Variants in ADAMTS17 observed in about 807,000 individuals in gnomAD.
The protein encoded by ADAMTS17 is ADAM metallopeptidase with thrombospondin type 1 motif 17.
Under a neutral mutation model 141.5 loss-of-function variants are expected in ADAMTS17, and 113 were observed. The observed-to-expected ratio is 0.80, with a 90% CI of 0.69 to 0.93. ADAMTS17 has a LOEUF of 0.93. ADAMTS17 is among the 40% of genes least tolerant of loss of function. ADAMTS17 has a pLI of 0.00. For synonymous variants in ADAMTS17, 768 were observed against 630.6 expected, an observed-to-expected ratio of 1.22 and a Z score of -3.27; for missense variants, 1,659 against 1,517.9, an observed-to-expected ratio of 1.09 and a Z score of -1.54.
At chr15:100,059,546 C>A (rs2032950120) in intron 15 of ADAMTS17, among the ~76,000 whole-genome samples, 1 of 152,206 alleles carries the variant, frequency 6.6e-6, no homozygotes, top group African/African-American at 2.4e-5. Context: ...TCATAACTTC[C>A]TGCTAAAATC....
rs1238941333 is a variant in ADAMTS17 at position 100,152,750 on chromosome 15, G to T, written c.1335C>A (p.Ser445Arg). The change falls in exon 10 of 22, where the codon AGC (serine) becomes AGA (arginine). Residue 445 changes from serine (S) to arginine (R), a missense_variant. Transcript: ENST00000268070. The stretch of plus-strand genomic sequence containing the variant: ...TGGGGTCCGTGACTAGCAAGCAGGT[G>T]CTGACTTTTGACCTGAAACAGCCGA... The part of the protein sequence containing the change: ...DLENFLKSKV[S>R]TCLLVTDPRS... 5 of 1,614,094 alleles carry T rather than the reference G, an allele frequency of 3.1e-6. No homozygotes were observed. The highest frequency in any genetic ancestry group is 3.4e-6 in the Non-Finnish European group (4 of 1,180,060).
chr15:100,339,868 G>A (rs896112469), intron 2 of ADAMTS17, among the ~76,000 whole-genome samples: 1 of 152,176 alleles, frequency 6.6e-6, no homozygotes, highest in African/African-American at 2.4e-5. Flanking sequence ...CCGCAGGACT[G>A]GGAAGAAAGA....
chr15:100,012,486 A>G (rs976415288), intron 18 of ADAMTS17, among the ~76,000 whole-genome samples: 2 of 152,166 alleles, frequency 1.3e-5, no homozygotes, highest in East Asian at 1.9e-4. Flanking sequence ...GGTTTTTCCA[A>G]CGTTATCTTC....
At chr15:100,097,064 A>C (rs2035805154) in intron 14 of ADAMTS17, among the ~76,000 whole-genome samples, 1 of 152,160 alleles carries the variant, frequency 6.6e-6, no homozygotes, top group Non-Finnish European at 1.5e-5. Context: ...CCTTTTCAAC[A>C]AGGCACGTCT....
At chr15:99,988,335 G>A (rs1162702416) in intron 20 of ADAMTS17, among the ~76,000 whole-genome samples, 1 of 151,924 alleles carries the variant, frequency 6.6e-6, no homozygotes, top group Non-Finnish European at 1.5e-5. Flanking sequence ...AAAAGTCTGG[G>A]GCCTCTGCCC....
At chr15:100,243,364 A>G (rs936478219) in intron 7 of ADAMTS17, among the ~76,000 whole-genome samples, 2 of 152,202 alleles carry the variant, frequency 1.3e-5, no homozygotes, top group African/African-American at 4.8e-5. Flanking sequence ...CCTGAATCAT[A>G]TTTTTTAATT....
chr15:100,007,120 A>G (rs906805900), intron 18 of ADAMTS17, among the ~76,000 whole-genome samples: 3 of 152,296 alleles, frequency 2.0e-5, no homozygotes, highest in South Asian at 2.1e-4. Context: ...TTTCTTTAAC[A>G]TCTGACAAGT....
At chr15:99,978,918 C>T (rs1172072642) in intron 20 of ADAMTS17, 1 of 152,266 alleles carries the variant, frequency 6.6e-6, no homozygotes, top group Non-Finnish European at 1.5e-5. Flanking sequence ...AACCTCCTCT[C>T]AGGTCCCTGT....
chr15:100,207,753 G>C (rs557513065), intron 7 of ADAMTS17, among the ~76,000 whole-genome samples: 3 of 152,248 alleles, frequency 2.0e-5, no homozygotes, highest in East Asian at 1.9e-4. Flanking sequence ...TTGACAATGG[G>C]GTACACCTTG....
intron 12 of ADAMTS17, among the ~76,000 whole-genome samples, chr15:100,120,875 G>C (rs2037418835): frequency 6.6e-6 from 1 of 152,232 alleles, no homozygotes; most frequent in African/African-American, 2.4e-5. Flanking sequence ...TATTGGCGGA[G>C]CCTGTCCCTG....
At chr15:100,285,102 C>T (rs1350307590) in intron 3 of ADAMTS17, among the ~76,000 whole-genome samples, 1 of 152,238 alleles carries the variant, frequency 6.6e-6, no homozygotes. Flanking sequence ...GGAGGTGGTA[C>T]TGACTTGGAA....
chr15:100,098,943 C>T (rs992822152), intron 14 of ADAMTS17, among the ~76,000 whole-genome samples: 7 of 152,212 alleles, frequency 4.6e-5, no homozygotes, highest in African/African-American at 1.4e-4. Flanking sequence ...TGTAGACATT[C>T]CTTACACTGG....
rs72755229 is a variant in ADAMTS17, at chr15:100,150,993, G to A, written c.1473+1619C>T. Reference sequence around the variant, plus strand: ...GAATGCCTCTTGGCAGGCACTGTGCGTGTGCATAAGCCTTAACACTCAAGC... The same window carrying A: ...GAATGCCTCTTGGCAGGCACTGTGCATGTGCATAAGCCTTAACACTCAAGC... On this transcript the variant is annotated intron_variant, in intron 10 of 21. Coordinates refer to ENST00000268070, the MANE Select transcript of ADAMTS17 (RefSeq NM_139057.4). Among the ~76,000 whole-genome samples, 752 of 152,366 alleles carry A rather than the reference G, an allele frequency of 4.9e-3. 5 individuals carry two copies. The highest frequency in any genetic ancestry group is 0.024 in the Middle Eastern group (7 of 294).
intron 8 of ADAMTS17, among the ~76,000 whole-genome samples, chr15:100,169,003 G>T (rs545961233): frequency 3.7e-4 from 56 of 151,674 alleles, no homozygotes; most frequent in Admixed American, 2.1e-3. Flanking sequence ...GGTGGCCAGC[G>T]CGGTGGTGGT....
intron 15 of ADAMTS17, among the ~76,000 whole-genome samples, 160 bp downstream of exon 15, chr15:100,096,196 T>A (rs1359270339): frequency 1.3e-5 from 2 of 152,232 alleles, no homozygotes; most frequent in African/African-American, 4.8e-5. Flanking sequence ...CTTGCTAAAA[T>A]GTCCTTTCTT....
At chr15:100,221,966 G>A (rs553518890) in intron 7 of ADAMTS17, among the ~76,000 whole-genome samples, 2 of 152,208 alleles carry the variant, frequency 1.3e-5, no homozygotes, top group South Asian at 4.1e-4. Context: ...TGAGGGCCTC[G>A]AGGCCATCAT....
chr15:100,087,007 G>A (rs1019722687), intron 15 of ADAMTS17, among the ~76,000 whole-genome samples: 5 of 152,230 alleles, frequency 3.3e-5, no homozygotes, highest in African/African-American at 1.2e-4. Flanking sequence ...AGAACTGAAG[G>A]AAATAGAGAC....
At chr15:100,206,699 G>A (rs2041581196) in intron 7 of ADAMTS17, among the ~76,000 whole-genome samples, 1 of 152,260 alleles carries the variant, frequency 6.6e-6, no homozygotes, top group East Asian at 1.9e-4. Flanking sequence ...CTCCATGTGG[G>A]GAACGGGACA....
At chr15:100,263,608 A>G (rs1305905570) in intron 4 of ADAMTS17, among the ~76,000 whole-genome samples, 1 of 152,230 alleles carries the variant, frequency 6.6e-6, no homozygotes, top group African/African-American at 2.4e-5. Context: ...AGCCCACTGC[A>G]GCTGACGAGC....
Sources: gnomAD v4.1 joint callset for allele counts (sites outside exome capture counted in the v4.1 genomes callset) on GRCh38, gnomAD v4.1.1 for gene constraint, MANE v1.5 for transcripts, NCBI Gene and HGNC (gene_info 2026-07-23, HGNC 2026-07-21) for gene names.